The following NPR3 variants were observed in gnomAD, a reference collection of about 807,000 sequenced individuals.
NPR3 encodes atrial natriuretic peptide receptor 3.
NPR3 carries 34 observed loss-of-function variants against 54.5 expected under a neutral mutation model. The observed-to-expected ratio is 0.62, with a 90% CI of 0.47 to 0.83. The LOEUF (loss-of-function observed/expected upper bound fraction) is 0.83, where lower values mean the gene tolerates loss of function less well. Ranked by LOEUF, NPR3 falls within the 40% of genes least tolerant of loss-of-function variation. The probability of loss-of-function intolerance (pLI) is 0.00; values close to 1 mark genes in which losing one functional copy is unlikely to be tolerated. For synonymous variants in NPR3, 289 were observed against 297.1 expected (o/e 0.97, Z 0.28); for missense variants, 674 against 720.8 (o/e 0.94, Z 0.74).
chr5:32,749,826 G>A (rs898848332), intron 3 of NPR3, among the ~76,000 whole-genome samples: 21 of 152,128 alleles, frequency 1.4e-4, no homozygotes, highest in African/African-American at 4.1e-4. Flanking sequence ...TAAAACTAAC[G>A]CCTTTTGCCT....
At chr5:32,716,543 T>TC in intron 1 of NPR3, 1 of 417,348 alleles carries the variant, frequency 2.4e-6, no homozygotes, top group South Asian at 1.8e-5. Flanking sequence ...ATTGCTTGAG[T>TC]CCAAGAGTTT....
rs966078847 is a variant in NPR3 at position 32,717,869 on chromosome 5, A to G, written c.769+5324A>G. Reference sequence around the variant, plus strand: ...AAGCTCTTTAGTTTAATTAGGTCCCATTTATCTATTTTGGCTTTTGTTGCC... The same window carrying G: ...AAGCTCTTTAGTTTAATTAGGTCCCGTTTATCTATTTTGGCTTTTGTTGCC... On this transcript the variant is annotated intron_variant, in intron 1 of 7. Coordinates refer to ENST00000265074, the MANE Select transcript of NPR3 (RefSeq NM_001204375.2). 2.6e-5 allele frequency among the ~76,000 whole-genome samples: 4 copies of G among 152,134 alleles called. No individual in the cohort carries two copies. In the East Asian group the frequency reaches 7.7e-4, roughly 29 times the overall value.
chr5:32,691,746 G>A lies in NPR3; in HGVS notation c.100+2560G>A, dbSNP rs147737165. 4.1e-3 allele frequency among the ~76,000 whole-genome samples: 618 copies of A among 152,302 alleles called. 1 individual carries two copies. Among genetic ancestry groups the A allele is most frequent in the Non-Finnish European group, 6.1e-3 (412 of 68,024 alleles). ...GAAAATGCTCACGTAAGTCTAAAAG[G>A]GGACACCGATGAAGAGCTTCATCAG... On this transcript the variant is annotated intron_variant, in intron 1 of 5. Transcript: ENST00000509104.
At chr5:32,742,595 A>G (rs2111959064) in intron 3 of NPR3, among the ~76,000 whole-genome samples, 1 of 152,296 alleles carries the variant, frequency 6.6e-6, no homozygotes, top group East Asian at 1.9e-4. Flanking sequence ...CTTGGGTGGG[A>G]TCCCAATATG....
At chr5:32,754,021 A>C (rs899161866) in intron 3 of NPR3, among the ~76,000 whole-genome samples, 10 of 152,334 alleles carry the variant, frequency 6.6e-5, no homozygotes, top group African/African-American at 2.4e-4. Context: ...CCAGCTTGGA[A>C]GAAGAGAGAC....
chr5:32,739,183 G>T lies in NPR3; in HGVS notation c.1059+153G>T, dbSNP rs817898. Among the ~76,000 whole-genome samples the T allele has an allele frequency of 0.22, 28,866 of 129,840 alleles. 3,623 individuals are homozygous for T. The highest frequency in any genetic ancestry group is 0.38 in the African/African-American group (13,777 of 36,360). The allele number at this position is 129,840 out of a possible 152,430, so 85.2% of individuals were successfully genotyped here. The stretch of plus-strand genomic sequence containing the variant: ...TTGCCTTCTGTGTGTGTGTGTGTGT[G>T]TTTTTTTTTTTTCCTTTCTGGGTGG... On this transcript the variant is annotated intron_variant, in intron 3 of 7. Coordinates refer to ENST00000265074, the MANE Select transcript of NPR3 (RefSeq NM_001204375.2).
intron 1 of NPR3, chr5:32,713,607 C>T (rs1738386378): frequency 5.5e-5 from 24 of 432,870 alleles, no homozygotes; most frequent in South Asian, 9.5e-5. Context: ...TCCCCGAGAC[C>T]CCAGTGCCAC....
At chr5:32,694,248 G>A (rs1184259350) in intron 1 of NPR3, among the ~76,000 whole-genome samples, 2 of 152,230 alleles carry the variant, frequency 1.3e-5, no homozygotes, top group South Asian at 2.1e-4. Context: ...TTCCCCCAGG[G>A]AAGCCACTGT....
At chr5:32,742,845 TGTATAATGTAGGTTAA>T (rs1453161493) in intron 3 of NPR3, among the ~76,000 whole-genome samples, 1 of 152,198 alleles carries the variant, frequency 6.6e-6, no homozygotes, top group East Asian at 1.9e-4. Context: ...CATCAAGGTT[TGTATAATGTAGGTTAA>T]GGAAAATCTT....
chr5:32,710,366 G>A (rs1029382422), upstream of NPR3: 4 of 194,954 alleles, frequency 2.1e-5, no homozygotes, highest in Non-Finnish European at 4.2e-5. Context: ...GGGAAAGACA[G>A]TCCCTTTATT....
intron 1 of NPR3, among the ~76,000 whole-genome samples, chr5:32,703,969 G>A (rs1737902808): frequency 6.6e-6 from 1 of 152,218 alleles, no homozygotes; most frequent in African/African-American, 2.4e-5. Context: ...TGTCTTTCAA[G>A]TTTATTTAGA....
intron 1 of NPR3, among the ~76,000 whole-genome samples, chr5:32,712,876 G>C (rs1738336340): frequency 6.6e-6 from 1 of 152,090 alleles, no homozygotes; most frequent in African/African-American, 2.4e-5. Flanking sequence ...GTGATTAGGG[G>C]GCGCACTCCC....
chr5:32,719,413 C>A (rs899302369), intron 1 of NPR3, among the ~76,000 whole-genome samples: 1 of 152,192 alleles, frequency 6.6e-6, no homozygotes, highest in Non-Finnish European at 1.5e-5. Context: ...CATACCTTTA[C>A]ACATAGTTAT....
At chr5:32,772,384 C>A (rs2112042821) in intron 3 of NPR3, among the ~76,000 whole-genome samples, 1 of 152,350 alleles carries the variant, frequency 6.6e-6, no homozygotes, top group Non-Finnish European at 1.5e-5. Flanking sequence ...AGCGCCAGGA[C>A]TGGACTGTGG....
chr5:32,701,058 G>A (rs1453100787), intron 1 of NPR3, among the ~76,000 whole-genome samples: 4 of 152,162 alleles, frequency 2.6e-5, no homozygotes, highest in Non-Finnish European at 4.4e-5. Flanking sequence ...TCCAGCATCT[G>A]TTATTTCCTG....
chr5:32,764,523 C>A (rs1741340413), intron 3 of NPR3, among the ~76,000 whole-genome samples: 1 of 152,014 alleles, frequency 6.6e-6, no homozygotes, highest in South Asian at 2.1e-4. Context: ...CACGGTGGCT[C>A]CTGTCTGTAA....
Position 32,774,808 on chromosome 5 carries a change from A to G in NPR3, c.1160A>G (p.Lys387Arg). The G allele has an allele frequency of 6.2e-7, 1 of 1,611,304 alleles. No individual in the cohort carries two copies. The highest frequency in any genetic ancestry group is 8.5e-7 in the Non-Finnish European group (1 of 1,177,436). The change falls in exon 4 of 8, where the codon AAA becomes AGA. Residue 387 changes from lysine (K) to arginine (R), a missense_variant. Lys to Arg is a conservative substitution (Grantham distance 26). Coordinates refer to ENST00000265074, the MANE Select transcript of NPR3 (RefSeq NM_001204375.2). ...RAGYSKKDGGKIIQQTWNRTF... is the reference protein window; with the variant it reads ...RAGYSKKDGGRIIQQTWNRTF... Reference sequence around the variant, plus strand: ...GGTTACAGCAAAAAGGATGGAGGGAAAATTATACAGCAGACTTGGAACAGA... The same window carrying G: ...GGTTACAGCAAAAAGGATGGAGGGAGAATTATACAGCAGACTTGGAACAGA...
In NPR3 at chr5:32,711,699, G is replaced by A; in HGVS notation, c.-78G>A. 1 of 1,384,812 alleles carries A rather than the reference G, an allele frequency of 7.2e-7. No homozygotes were observed. Among genetic ancestry groups the A allele is most frequent in the Non-Finnish European group, 9.3e-7 (1 of 1,072,352 alleles). The allele number at this position is 1,384,812 out of a possible 1,614,324, so 85.8% of individuals were successfully genotyped here. A position where few individuals can be genotyped will look rare whatever the true frequency, so the allele number is the denominator to read the frequency against. ...GCGCAGGGACCTTGGAGAGAAGAGTGGGGAGGAAAGAGGAAGGGTGGGTGG... is the reference window on the plus strand; with the variant it reads ...GCGCAGGGACCTTGGAGAGAAGAGTAGGGAGGAAAGAGGAAGGGTGGGTGG... On this transcript the variant is annotated 5_prime_UTR_variant, in exon 1 of 8. Coordinates refer to ENST00000265074, the MANE Select transcript of NPR3 (RefSeq NM_001204375.2).
chr5:32,758,582 G>GT (rs200014397), intron 3 of NPR3, among the ~76,000 whole-genome samples: 31,353 of 151,948 alleles, frequency 0.21, 3,355 homozygotes, highest in South Asian at 0.27. Flanking sequence ...TTTTTGAAGG[G>GT]TTTTTTGTGT....
Sources: allele counts gnomAD v4.1 joint callset (sites outside exome capture counted in the v4.1 genomes callset), GRCh38; gene constraint gnomAD v4.1.1; transcripts MANE v1.5; gene names NCBI Gene and HGNC (gene_info 2026-07-23, HGNC 2026-07-21).